Variants in CDKAL1 observed in about 807,000 individuals in gnomAD.
The protein encoded by CDKAL1 is threonylcarbamoyladenosine tRNA methylthiotransferase.
Under a neutral mutation model 68.2 loss-of-function variants are expected in CDKAL1, and 32 were observed. That is an observed-to-expected ratio of 0.47 (90% confidence interval 0.35 to 0.63). CDKAL1 has a LOEUF of 0.63. Ranked by LOEUF, CDKAL1 falls within the 30% of genes least tolerant of loss-of-function variation. The pLI, the probability that CDKAL1 is intolerant of heterozygous loss-of-function variation, is 0.00. For synonymous variants in CDKAL1, 234 were observed against 244.3 expected (o/e 0.96, Z 0.39); for missense variants, 606 against 696.7 (o/e 0.87, Z 1.47).
intron 15 of CDKAL1, among the ~76,000 whole-genome samples, chr6:21,228,045 G>A (rs1223858805): frequency 6.6e-6 from 1 of 152,118 alleles, no homozygotes; most frequent in African/African-American, 2.4e-5. Flanking sequence ...CTGACACCTG[G>A]CCTGGCACCA....
chr6:20,580,892 C>T (rs1259284167), intron 4 of CDKAL1, among the ~76,000 whole-genome samples: 4 of 151,904 alleles, frequency 2.6e-5, no homozygotes, highest in East Asian at 1.9e-4. Flanking sequence ...TGGGTTCAAG[C>T]GATTCTCCTG....
At chr6:20,556,911 G>A (rs540822310) in intron 4 of CDKAL1, among the ~76,000 whole-genome samples, 7 of 151,794 alleles carry the variant, frequency 4.6e-5, no homozygotes, top group South Asian at 4.2e-4. Context: ...GGTGGTGGGC[G>A]CCTGTAGTCC....
intron 5 of CDKAL1, among the ~76,000 whole-genome samples, chr6:20,724,744 A>G (rs1772564276): frequency 6.6e-6 from 1 of 152,176 alleles, no homozygotes; most frequent in African/African-American, 2.4e-5. Context: ...TTCCACCTGA[A>G]ATCAGATTGG....
intron 11 of CDKAL1, among the ~76,000 whole-genome samples, chr6:21,011,241 G>A (rs1054468556): frequency 7.3e-5 from 11 of 151,034 alleles, no homozygotes; most frequent in Non-Finnish European, 1.0e-4. Flanking sequence ...AAAATTAGCC[G>A]GGCGCGGTGG....
At chr6:20,799,047 T>G (rs913681570) in intron 8 of CDKAL1, among the ~76,000 whole-genome samples, 4 of 109,024 alleles carry the variant, frequency 3.7e-5, no homozygotes, top group African/African-American at 1.1e-4. Context: ...TGAGTTTTTT[T>G]TTTTTTTTTT....
At chr6:20,782,531 C>T (rs925651318) in intron 8 of CDKAL1, among the ~76,000 whole-genome samples, 3 of 152,132 alleles carry the variant, frequency 2.0e-5, no homozygotes, top group African/African-American at 4.8e-5. Flanking sequence ...AATACTTTCC[C>T]GCAACTCCTG....
intron 9 of CDKAL1, among the ~76,000 whole-genome samples, chr6:20,902,828 T>C (rs1414657454): frequency 6.6e-6 from 1 of 152,086 alleles, no homozygotes; most frequent in Non-Finnish European, 1.5e-5. Context: ...GCAGGTCATT[T>C]GGGTGGTCTA....
intron 15 of CDKAL1, among the ~76,000 whole-genome samples, chr6:21,204,377 A>G (rs1388462805): frequency 6.6e-6 from 1 of 152,206 alleles, no homozygotes; most frequent in Non-Finnish European, 1.5e-5. Flanking sequence ...TATTTTGAAG[A>G]AAATCCCATT....
intron 15 of CDKAL1, among the ~76,000 whole-genome samples, chr6:21,229,067 T>C (rs1779859332): frequency 6.6e-6 from 1 of 152,138 alleles, no homozygotes; most frequent in African/African-American, 2.4e-5. Flanking sequence ...CCCGGATACC[T>C]GAGGAGTGCA....
At chr6:20,963,324 C>A (rs1027183308) in intron 10 of CDKAL1, among the ~76,000 whole-genome samples, 2 of 151,284 alleles carry the variant, frequency 1.3e-5, no homozygotes, top group African/African-American at 4.9e-5. Flanking sequence ...AAAAAAAAGA[C>A]TTGCATCTCT....
At chr6:21,219,537 A>G (rs1206670026) in intron 15 of CDKAL1, among the ~76,000 whole-genome samples, 2 of 152,268 alleles carry the variant, frequency 1.3e-5, no homozygotes, top group Non-Finnish European at 2.9e-5. Flanking sequence ...TCCAAGCTGC[A>G]AAACTATCAT....
chr6:21,027,889 A>G (rs1769049916), intron 11 of CDKAL1, among the ~76,000 whole-genome samples: 1 of 151,152 alleles, frequency 6.6e-6, no homozygotes, highest in South Asian at 2.1e-4. Context: ...AAACAGAATC[A>G]TTTGGGATAA....
At chr6:20,851,404 G>T (rs984746725) in intron 9 of CDKAL1, among the ~76,000 whole-genome samples, 31 of 152,204 alleles carry the variant, frequency 2.0e-4, no homozygotes, top group African/African-American at 7.5e-4. Flanking sequence ...AGTTTCAGTT[G>T]TATAAGTGAT....
chr6:21,204,563 T>C (rs1015488466), intron 15 of CDKAL1, among the ~76,000 whole-genome samples: 3 of 152,186 alleles, frequency 2.0e-5, no homozygotes, highest in Admixed American at 6.5e-5. Context: ...GGCGTGCTTA[T>C]CGTAGCCAAA....
At chr6:20,966,820 T>G (rs1335797247) in intron 10 of CDKAL1, among the ~76,000 whole-genome samples, 1 of 152,226 alleles carries the variant, frequency 6.6e-6, no homozygotes, top group African/African-American at 2.4e-5. Context: ...TTGGTGGAAA[T>G]TTCAGACATT....
intron 4 of CDKAL1, among the ~76,000 whole-genome samples, chr6:20,552,071 C>G (rs1371592010): frequency 6.7e-6 from 1 of 150,114 alleles, no homozygotes; most frequent in Non-Finnish European, 1.5e-5. Context: ...TGTGTTGGCT[C>G]ATGCCTGCTG....
intron 9 of CDKAL1, among the ~76,000 whole-genome samples, chr6:20,929,716 A>G (rs1277978520): frequency 6.6e-6 from 1 of 152,130 alleles, no homozygotes; most frequent in Non-Finnish European, 1.5e-5. Flanking sequence ...TGACACCTGA[A>G]GATCTACTAG....
intron 9 of CDKAL1, among the ~76,000 whole-genome samples, chr6:20,860,663 A>C (rs1759565606): frequency 6.6e-6 from 1 of 151,874 alleles, no homozygotes; most frequent in South Asian, 2.1e-4. Flanking sequence ...TTCCCTACTA[A>C]AAATACAAAA....
chr6:21,216,346 A>G (rs1185365200), intron 15 of CDKAL1, among the ~76,000 whole-genome samples: 8 of 152,226 alleles, frequency 5.3e-5, no homozygotes, highest in Non-Finnish European at 1.2e-4. Flanking sequence ...TCACTCCTGT[A>G]TTCCCAGCAT....
Sources: allele counts gnomAD v4.1 joint callset (sites outside exome capture counted in the v4.1 genomes callset), GRCh38; gene constraint gnomAD v4.1.1; transcripts MANE v1.5; gene names NCBI Gene and HGNC (gene_info 2026-07-23, HGNC 2026-07-21).